Variants in CNKSR2 observed in about 807,000 individuals in gnomAD.
The protein encoded by CNKSR2 is CNK homolog protein 2.
A neutral mutation model predicts 84.4 loss-of-function variants in CNKSR2; 14 were observed. That is an observed-to-expected ratio of 0.17 (90% confidence interval 0.11 to 0.26). The LOEUF (loss-of-function observed/expected upper bound fraction) is 0.26. CNKSR2 is among the 10% of genes least tolerant of loss of function. The pLI is 1.00. For missense variants in CNKSR2, 485 were observed against 771.2 expected (o/e 0.63, Z 4.40); for synonymous variants, 275 against 277.9 (o/e 0.99, Z 0.10).
At chrX:21,461,209 T>C (rs950202507) in intron 4 of CNKSR2, among the ~76,000 whole-genome samples, 1 of 112,498 alleles carries the variant, frequency 8.9e-6, no homozygotes, top group African/African-American at 3.2e-5. Context: ...TGTCTGTCTT[T>C]TGGATATAAG....
At chrX:21,378,649 AT>A (rs967217785) in intron 1 of CNKSR2, among the ~76,000 whole-genome samples, 11 of 108,989 alleles carry the variant, frequency 1.0e-4, no homozygotes, top group Middle Eastern at 4.7e-3. Flanking sequence ...CAGTCTTTCC[AT>A]TTTTTTTTCT....
intron 4 of CNKSR2, among the ~76,000 whole-genome samples, chrX:21,441,912 T>C (rs2090789237): frequency 1.8e-5 from 2 of 111,986 alleles, no homozygotes; most frequent in South Asian, 7.3e-4. Flanking sequence ...ATTATTTTTA[T>C]TCCCTTTGCA....
At chrX:21,425,576 T>G (rs2090554835) in intron 1 of CNKSR2, 2 of 111,876 alleles carry the variant, frequency 1.8e-5, no homozygotes, top group Non-Finnish European at 3.8e-5. Flanking sequence ...CTCCATAACT[T>G]CAGCTGGAAT....
chrX:21,442,125 C>G, intron 4 of CNKSR2, among the ~76,000 whole-genome samples: 1 of 110,732 alleles, frequency 9.0e-6, no homozygotes, highest in Non-Finnish European at 1.9e-5. Flanking sequence ...TTTGTTTAAT[C>G]TGCTATATTT....
chrX:21,553,548 C>A lies in CNKSR2; in HGVS notation c.1304-7923C>A, dbSNP rs768574923. Among the ~76,000 whole-genome samples, 267 of 107,627 alleles carry A rather than the reference C, an allele frequency of 2.5e-3. 4 individuals carry two copies. Among genetic ancestry groups the A allele is most frequent in the African/African-American group, 8.1e-3 (240 of 29,632 alleles). The allele number at this position is 107,627 out of a possible 115,157, so 93.5% of individuals were successfully genotyped here. A position where few individuals can be genotyped will look rare whatever the true frequency, so the allele number is the denominator to read the frequency against. On this transcript the variant is annotated intron_variant, in intron 11 of 21. Transcript: ENST00000379510. ...TGTTTCCATTACAAAAAAAAAAAAA[C>A]TTTGGTCTGTCTGAAGTTTTTCATC...
In CNKSR2 at chrX:21,434,740, T is replaced by C. The variant is rs1195886340; in HGVS notation, c.431+1926T>C. ...AAACGTGTATCCACAGCAATATGTT[T>C]TGGGTTTATTACAGTTTTTATTTTA... On this transcript the variant is annotated intron_variant, in intron 3 of 21. Coordinates refer to ENST00000379510, the MANE Select transcript of CNKSR2 (RefSeq NM_014927.5). 3.6e-5 allele frequency among the ~76,000 whole-genome samples: 4 copies of C among 110,358 alleles called. No individual in the cohort carries two copies. The Admixed American group carries it at 3.9e-4, about 11-fold the overall frequency.
chrX:21,573,587 G>A (rs1364070772), intron 13 of CNKSR2, among the ~76,000 whole-genome samples: 1 of 112,082 alleles, frequency 8.9e-6, no homozygotes, highest in Non-Finnish European at 1.9e-5. Context: ...CACCACATGG[G>A]AGCTACCAAG....
intron 20 of CNKSR2, among the ~76,000 whole-genome samples, chrX:21,647,476 T>C (rs2092709419): frequency 8.9e-6 from 1 of 112,145 alleles, no homozygotes; most frequent in Non-Finnish European, 1.9e-5. Context: ...TGGCATCTAC[T>C]GCTAAATACA....
At chrX:21,374,995 TG>T (rs747415966) in intron 1 of CNKSR2, 34 bp downstream of exon 1, 1 of 1,132,971 alleles carries the variant, frequency 8.8e-7, no homozygotes, top group Admixed American at 2.2e-5. Context: ...GAGGCGGCAC[TG>T]GGGCGCGGGG....
Position 21,374,630 on chromosome X carries a change from A to AGCAGCAGCCGCC in CNKSR2, c.-266_-265insAGCAGCCGCCGC, listed in dbSNP as rs547454548. 2.3e-4 allele frequency: 102 copies of AGCAGCAGCCGCC among 445,312 alleles called. 1 individual carries two copies. The highest frequency in any genetic ancestry group is 2.1e-3 in the South Asian group (74 of 34,993). 36.7% of individuals were successfully genotyped at this position (445,312 alleles called of 1,213,427 possible). On this transcript the variant is annotated 5_prime_UTR_variant, in exon 1 of 22. Coordinates refer to ENST00000379510, the MANE Select transcript of CNKSR2 (RefSeq NM_014927.5). ...CAGCAGCAGCAGCAGCAGCAGCAGC[A>AGCAGCAGCCGCC]GCCGCCGCCGCCGCCGCCTTAGCGG...
At chrX:21,401,156 A>G (rs1047945971) in intron 1 of CNKSR2, among the ~76,000 whole-genome samples, 1 of 111,254 alleles carries the variant, frequency 9.0e-6, no homozygotes, top group African/African-American at 3.3e-5. Flanking sequence ...TACTAATAGT[A>G]TTAGAATGAA....
chrX:21,524,345 T>A (rs749644752), intron 9 of CNKSR2, among the ~76,000 whole-genome samples: 1 of 111,286 alleles, frequency 9.0e-6, no homozygotes, highest in Non-Finnish European at 1.9e-5. Context: ...TGAACCAGCT[T>A]GGCATAATCA....
At chrX:21,420,304 C>T (rs2090478257) in intron 1 of CNKSR2, among the ~76,000 whole-genome samples, 2 of 112,482 alleles carry the variant, frequency 1.8e-5, no homozygotes, top group Admixed American at 1.9e-4. Context: ...AGTGGGCTCC[C>T]CTCTGGCCCA....
chrX:21,430,837 A>G (rs1014902450), intron 2 of CNKSR2, among the ~76,000 whole-genome samples: 1 of 112,069 alleles, frequency 8.9e-6, no homozygotes. Flanking sequence ...CCCACATTTC[A>G]CAAATAATCC....
intron 5 of CNKSR2, among the ~76,000 whole-genome samples, chrX:21,488,743 G>A (rs963781686): frequency 3.0e-4 from 33 of 111,481 alleles, no homozygotes; most frequent in African/African-American, 1.1e-3. Context: ...GTTGTGAGGG[G>A]AAAATAAATC....
intron 18 of CNKSR2, chrX:21,606,532 T>TA (rs2092517986): frequency 3.5e-6 from 1 of 286,212 alleles, no homozygotes; most frequent in South Asian, 1.0e-4. Context: ...TTTAACTCTC[T>TA]AAAATTATGG....
intron 11 of CNKSR2, among the ~76,000 whole-genome samples, chrX:21,544,337 G>A (rs2092002533): frequency 9.0e-6 from 1 of 111,503 alleles, no homozygotes; most frequent in African/African-American, 3.3e-5. Flanking sequence ...AAAATCATCA[G>A]CTCACATGCT....
intron 17 of CNKSR2, among the ~76,000 whole-genome samples, chrX:21,597,612 T>C (rs1233477749): frequency 9.0e-6 from 1 of 110,763 alleles, no homozygotes; most frequent in Non-Finnish European, 1.9e-5. Context: ...TACTTGTTAA[T>C]AGAAGGGGGA....
intron 13 of CNKSR2, among the ~76,000 whole-genome samples, chrX:21,571,521 A>T (rs2092283837): frequency 1.8e-5 from 2 of 112,297 alleles, no homozygotes; most frequent in Non-Finnish European, 3.8e-5. Context: ...ATCTCTTGGA[A>T]TCTTCAAAAT....
Sources: allele counts gnomAD v4.1 joint callset (sites outside exome capture counted in the v4.1 genomes callset), GRCh38; gene constraint gnomAD v4.1.1; transcripts MANE v1.5; gene names NCBI Gene and HGNC (gene_info 2026-07-23, HGNC 2026-07-21).